Variants in DHDDS observed in about 807,000 individuals in gnomAD.
The protein encoded by DHDDS is dehydrodolichyl diphosphate synthase complex subunit DHDDS.
A neutral mutation model predicts 46.2 loss-of-function variants in DHDDS; 16 were observed. The ratio of observed to expected loss-of-function variants is 0.35; its 90% CI spans 0.23 to 0.53. The LOEUF is 0.53. DHDDS is among the 20% of genes least tolerant of loss of function. DHDDS has a pLI of 0.94. For synonymous variants in DHDDS, 151 were observed against 163.1 expected, an observed-to-expected ratio of 0.93 and a Z score of 0.56; for missense variants, 340 against 423.7, an observed-to-expected ratio of 0.80 and a Z score of 1.73.
intron 8 of DHDDS, chr1:26,467,247 C>A (rs538797451): frequency 2.2e-5 from 10 of 450,844 alleles, no homozygotes; most frequent in Non-Finnish European, 4.2e-5. Context: ...TTGCTGGGAT[C>A]GTGTCCTGCG....
chr1:26,446,247 A>T, intron 4 of DHDDS, 69 bp from the exon 5 acceptor site: 2 of 1,440,440 alleles, frequency 1.4e-6, no homozygotes, highest in Non-Finnish European at 1.9e-6. Context: ...GTCAGTTATT[A>T]CCTGAGCACC....
At chr1:26,436,149 G>T (rs2075152624) in intron 2 of DHDDS, among the ~76,000 whole-genome samples, 1 of 151,754 alleles carries the variant, frequency 6.6e-6, no homozygotes, top group Admixed American at 6.6e-5. Flanking sequence ...TGTAATCCCA[G>T]CACTTTGGGA....
In DHDDS at chr1:26,442,012, G is replaced by A. The variant is rs78476673; in HGVS notation, c.181-719G>A. ...TCCTTTTCCTCTCTAGGCAACTACCGTTCTGATTTCTGTAACTATAAATTT... is the reference window on the plus strand; with the variant it reads ...TCCTTTTCCTCTCTAGGCAACTACCATTCTGATTTCTGTAACTATAAATTT... On this transcript the variant is annotated intron_variant, in intron 3 of 8. Coordinates refer to ENST00000236342, the MANE Select transcript of DHDDS (RefSeq NM_205861.3). Among the ~76,000 whole-genome samples, 1,016 of 151,382 alleles carry A rather than the reference G, an allele frequency of 6.7e-3. 6 individuals are homozygous for A. The highest frequency in any genetic ancestry group is 0.023 in the African/African-American group (933 of 41,266).
At chr1:26,455,185 C>T (rs1237383654) in intron 6 of DHDDS, 10 of 754,086 alleles carry the variant, frequency 1.3e-5, no homozygotes, top group Non-Finnish European at 2.0e-5. Context: ...AATAGTGAAC[C>T]ATTTTCACAG....
At chr1:26,447,838 C>A in intron 6 of DHDDS, 178 bp downstream of exon 6, 8 of 672,890 alleles carry the variant, frequency 1.2e-5, no homozygotes, top group Admixed American at 6.6e-5. Flanking sequence ...TCAACAACAA[C>A]AACAAAAAAG....
rs191522867 is a variant in DHDDS at position 26,453,586 on chromosome 1, G to A, written c.543-4205G>A. On this transcript the variant is annotated intron_variant, in intron 6 of 8. Coordinates refer to ENST00000236342, the MANE Select transcript of DHDDS (RefSeq NM_205861.3). ...AGCCTGGGCAAAATGGTAAAATCTCGTCTCTAAAAGTACAAAAATTACCTG... is the reference window on the plus strand; with the variant it reads ...AGCCTGGGCAAAATGGTAAAATCTCATCTCTAAAAGTACAAAAATTACCTG... Among the ~76,000 whole-genome samples, 56 of 152,036 alleles carry A rather than the reference G, an allele frequency of 3.7e-4. 1 individual carries two copies. Among genetic ancestry groups the A allele is most frequent in the African/African-American group, 1.3e-3 (53 of 41,474 alleles).
intron 4 of DHDDS, among the ~76,000 whole-genome samples, chr1:26,445,158 G>T (rs370094004): frequency 1.2e-4 from 18 of 152,184 alleles, no homozygotes; most frequent in Non-Finnish European, 2.9e-5. Flanking sequence ...AATAATAAGG[G>T]TATATAACTC....
At chr1:26,437,546 C>G (rs1004795158) in intron 2 of DHDDS, among the ~76,000 whole-genome samples, 10 of 151,714 alleles carry the variant, frequency 6.6e-5, no homozygotes, top group Admixed American at 1.3e-4. Flanking sequence ...TCTCAACTGA[C>G]TGCAACCTCC....
At chr1:26,463,507 C>A in intron 8 of DHDDS, 1 of 152,212 alleles carries the variant, frequency 6.6e-6, no homozygotes, top group South Asian at 2.1e-4. Flanking sequence ...TTATGAAACT[C>A]TTGTTTCTTT....
chr1:26,469,264 AGGCCAGGTTTGCT>A lies in DHDDS; in HGVS notation c.*139_*151del. The A allele has an allele frequency of 6.4e-7, 1 of 1,551,354 alleles. No homozygotes were observed. Among genetic ancestry groups the A allele is most frequent in the Non-Finnish European group, 8.7e-7 (1 of 1,148,620 alleles). ...CCTTTGCTTGGCTGGGGAGCCCCCC[AGGCCAGGTTTGCT>A]GGCCATAGATACCTTTGGGCTGCCT... is the stretch of plus-strand genomic sequence containing the variant. On this transcript the variant is annotated 3_prime_UTR_variant, in exon 9 of 9. Coordinates refer to ENST00000236342, the MANE Select transcript of DHDDS (RefSeq NM_205861.3).
chr1:26,446,488 C>T, intron 5 of DHDDS, 56 bp downstream of exon 5: 1 of 1,541,746 alleles, frequency 6.5e-7, no homozygotes, highest in Non-Finnish European at 9.0e-7. Context: ...TCCCTGCTGG[C>T]TTTAGGGAGA....
At chr1:26,437,668 G>A (rs2075173962) in intron 2 of DHDDS, among the ~76,000 whole-genome samples, 1 of 151,854 alleles carries the variant, frequency 6.6e-6, no homozygotes, top group Admixed American at 6.6e-5. Context: ...TAGAGACTGG[G>A]TTTCGCCATG....
intron 6 of DHDDS, among the ~76,000 whole-genome samples, chr1:26,456,684 C>T (rs943470886): frequency 5.3e-5 from 8 of 152,064 alleles, no homozygotes; most frequent in South Asian, 2.1e-4. Context: ...TGAGTCACCA[C>T]GCCTGGCCAA....
chr1:26,447,130 G>T (rs1038637779), intron 5 of DHDDS, among the ~76,000 whole-genome samples: 1 of 152,090 alleles, frequency 6.6e-6, no homozygotes, highest in Non-Finnish European at 1.5e-5. Flanking sequence ...GACTAGCCTG[G>T]CCAACATGGT....
At chr1:26,440,555 C>G (rs118128636) in intron 3 of DHDDS, among the ~76,000 whole-genome samples, 4,795 of 152,236 alleles carry the variant, frequency 0.031, 130 homozygotes, top group Admixed American at 0.08. Flanking sequence ...AGGCCCTGAC[C>G]TAAAGGAAGT....
chr1:26,460,212 C>A, intron 8 of DHDDS, 68 bp downstream of exon 8: 1 of 1,245,866 alleles, frequency 8.0e-7, no homozygotes, highest in Non-Finnish European at 1.2e-6. Flanking sequence ...GATTGACAAC[C>A]ACCTTACTAT....
intron 8 of DHDDS, among the ~76,000 whole-genome samples, chr1:26,467,970 C>T (rs2075509327): frequency 6.6e-6 from 1 of 152,182 alleles, no homozygotes; most frequent in Non-Finnish European, 1.5e-5. Context: ...TTGAGTGTTT[C>T]ACATGTACAG....
At chr1:26,445,398 G>T (rs1228709341) in intron 4 of DHDDS, among the ~76,000 whole-genome samples, 1 of 152,144 alleles carries the variant, frequency 6.6e-6, no homozygotes, top group East Asian at 1.9e-4. Flanking sequence ...GACACATGAG[G>T]TCGTGTAATG....
At chr1:26,457,638 T>C (rs1259533681) in intron 6 of DHDDS, among the ~76,000 whole-genome samples, 153 bp from the exon 7 acceptor site, 1 of 151,976 alleles carries the variant, frequency 6.6e-6, no homozygotes, top group Non-Finnish European at 1.5e-5. Context: ...TTAGCAAACA[T>C]TTTTTGAGGG....
Sources: gnomAD v4.1 joint callset for allele counts (sites outside exome capture counted in the v4.1 genomes callset) on GRCh38, gnomAD v4.1.1 for gene constraint, MANE v1.5 for transcripts, NCBI Gene and HGNC (gene_info 2026-07-23, HGNC 2026-07-21) for gene names.